ADARB2: variants seen among roughly 807,000 people sequenced by gnomAD.
The protein encoded by ADARB2 is adenosine deaminase RNA specific B2 (inactive).
A neutral mutation model predicts 62.2 loss-of-function variants in ADARB2; 25 were observed. That is an observed-to-expected ratio of 0.40 (90% CI 0.29 to 0.56). The LOEUF (loss-of-function observed/expected upper bound fraction) is 0.56, where lower values mean the gene tolerates loss of function less well. ADARB2 is among the 20% of genes least tolerant of loss of function. The pLI is 0.43. For synonymous variants in ADARB2, 572 were observed against 500.8 expected (o/e 1.14, Z -1.90); for missense variants, 1,071 against 1,077.4 (o/e 0.99, Z 0.08).
At chr10:1,549,078 C>T (rs536654093) in intron 1 of ADARB2, among the ~76,000 whole-genome samples, 18 of 152,120 alleles carry the variant, frequency 1.2e-4, no homozygotes, top group South Asian at 4.2e-4. Flanking sequence ...GAACTGCAGC[C>T]GGGTTTCAGT....
intron 1 of ADARB2, among the ~76,000 whole-genome samples, chr10:1,671,770 A>G (rs752678151): frequency 2.0e-5 from 3 of 152,026 alleles, no homozygotes; most frequent in African/African-American, 4.8e-5. Flanking sequence ...ACGCTGCGTC[A>G]AATTGAGGAA....
At chr10:1,498,208 A>G (rs1477382197) in intron 1 of ADARB2, among the ~76,000 whole-genome samples, 2 of 151,890 alleles carry the variant, frequency 1.3e-5, no homozygotes, top group African/African-American at 4.8e-5. Context: ...ACCCATTTTT[A>G]CTAAAAATAT....
chr10:1,498,228 G>A (rs1831716232), intron 1 of ADARB2, among the ~76,000 whole-genome samples: 2 of 152,032 alleles, frequency 1.3e-5, no homozygotes, highest in South Asian at 4.2e-4. Flanking sequence ...TAAAAAATTG[G>A]CCAGGCATGG....
intron 1 of ADARB2, among the ~76,000 whole-genome samples, chr10:1,670,569 GGCCCTGCCACACATACCAGCA>G (rs1834371739): frequency 1.3e-5 from 2 of 152,128 alleles, no homozygotes; most frequent in African/African-American, 4.8e-5. Flanking sequence ...CAGTGGCCCC[GGCCCTGCCACACATACCAGCA>G]GCCCTGCCAC....
At chr10:1,205,730 G>A (rs1209528834) in intron 7 of ADARB2, among the ~76,000 whole-genome samples, 1 of 152,288 alleles carries the variant, frequency 6.6e-6, no homozygotes, top group African/African-American at 2.4e-5. Flanking sequence ...TTGGCTTCCA[G>A]CCTCCAGCGC....
chr10:1,439,526 T>A (rs11250518), intron 1 of ADARB2, among the ~76,000 whole-genome samples: 1 of 115,740 alleles, frequency 8.6e-6, no homozygotes, highest in Non-Finnish European at 1.9e-5. Context: ...CCCTTCACGA[T>A]GGGGCTCCTG....
intron 1 of ADARB2, among the ~76,000 whole-genome samples, chr10:1,431,246 C>T (rs1830775189): frequency 6.6e-6 from 1 of 152,058 alleles, no homozygotes. Flanking sequence ...GTTCCTTGAC[C>T]ATAAAGGAAT....
At chr10:1,540,491 A>G (rs12242125) in intron 1 of ADARB2, among the ~76,000 whole-genome samples, 3,313 of 99,320 alleles carry the variant, frequency 0.033, 237 homozygotes, top group African/African-American at 0.12. Context: ...GACGTAGTTC[A>G]GACCCTGGAT....
intron 1 of ADARB2, among the ~76,000 whole-genome samples, chr10:1,440,255 C>A: frequency 6.6e-6 from 1 of 152,170 alleles, no homozygotes; most frequent in East Asian, 1.9e-4. Flanking sequence ...ACAAGCTGAG[C>A]AGCACCTGGG....
chr10:1,249,115 GC>G (rs1452001374), intron 4 of ADARB2, among the ~76,000 whole-genome samples: 1 of 152,170 alleles, frequency 6.6e-6, no homozygotes, highest in Non-Finnish European at 1.5e-5. Context: ...TGCAACATGG[GC>G]TTATTTCTGA....
chr10:1,656,168 G>A (rs75146664), intron 1 of ADARB2, among the ~76,000 whole-genome samples: 2 of 152,136 alleles, frequency 1.3e-5, no homozygotes, highest in Admixed American at 6.5e-5. Flanking sequence ...ACATCATAAC[G>A]TAATCTTTTA....
At chr10:1,637,437 T>G (rs140116993) in intron 1 of ADARB2, among the ~76,000 whole-genome samples, 2 of 152,358 alleles carry the variant, frequency 1.3e-5, no homozygotes, top group East Asian at 3.9e-4. Context: ...ATTATACTCT[T>G]GAAAAGCAAA....
At chr10:1,315,340 T>G (rs917483953) in intron 3 of ADARB2, among the ~76,000 whole-genome samples, 1 of 152,156 alleles carries the variant, frequency 6.6e-6, no homozygotes, top group Non-Finnish European at 1.5e-5. Flanking sequence ...CCGCCTTCAT[T>G]GATTGCTGCT....
In ADARB2 at chr10:1,435,927, G is replaced by A. The variant is rs1467475945; in HGVS notation, c.101-56767C>T. ...TATGATAAAATTGCTTTGCTAGAGC[G>A]TGTTGCTTGTGACAGCACCACCTTT... is the stretch of plus-strand genomic sequence containing the variant. On this transcript the variant is annotated intron_variant, in intron 1 of 9. Transcript: ENST00000381312. 7.2e-5 allele frequency among the ~76,000 whole-genome samples: 11 copies of A among 152,316 alleles called. No homozygotes were observed. The East Asian group carries it at 2.1e-3, about 29-fold the overall frequency.
chr10:1,603,004 A>G (rs1342802624), intron 1 of ADARB2, among the ~76,000 whole-genome samples: 11 of 144,478 alleles, frequency 7.6e-5, no homozygotes. Flanking sequence ...CAACACACAC[A>G]ACTGTACACA....
intron 3 of ADARB2, among the ~76,000 whole-genome samples, chr10:1,273,437 C>G (rs890089578): frequency 6.6e-6 from 1 of 152,124 alleles, no homozygotes; most frequent in Non-Finnish European, 1.5e-5. Flanking sequence ...CTGTGATAAC[C>G]TGGTCTTCCT....
chr10:1,344,749 T>TCA (rs1422484641), intron 3 of ADARB2, among the ~76,000 whole-genome samples: 6 of 152,246 alleles, frequency 3.9e-5, no homozygotes, highest in Non-Finnish European at 8.8e-5. Context: ...CGAGGCACTC[T>TCA]CACACACACT....
chr10:1,562,361 G>T (rs1457829154), intron 1 of ADARB2, among the ~76,000 whole-genome samples: 3 of 152,226 alleles, frequency 2.0e-5, no homozygotes, highest in East Asian at 3.9e-4. Flanking sequence ...GCAGGACAAA[G>T]AGGTTAGGAT....
chr10:1,435,481 C>G (rs542155317), intron 1 of ADARB2, among the ~76,000 whole-genome samples: 3 of 148,560 alleles, frequency 2.0e-5, no homozygotes, highest in African/African-American at 5.3e-5. Flanking sequence ...CCTCCTTCTG[C>G]GCAAGGACCA....
Sources: allele counts gnomAD v4.1 joint callset (sites outside exome capture counted in the v4.1 genomes callset), GRCh38; gene constraint gnomAD v4.1.1; transcripts MANE v1.5; gene names NCBI Gene and HGNC (gene_info 2026-07-23, HGNC 2026-07-21).